Variants in MARCHF1 observed in about 807,000 individuals in gnomAD.
MARCHF1 encodes the protein E3 ubiquitin-protein ligase MARCHF1.
MARCHF1 carries 40 observed loss-of-function variants against 54.2 expected under a neutral mutation model. The observed-to-expected ratio is 0.74, with a 90% CI of 0.57 to 0.96. The LOEUF is 0.96. Among genes scored for constraint, MARCHF1 ranks in the 40% least tolerant of loss-of-function variants. The probability of loss-of-function intolerance (pLI) is 0.00; values close to 1 mark genes in which losing one functional copy is unlikely to be tolerated. For synonymous variants in MARCHF1, 236 were observed against 236.3 expected (o/e 1.00, Z 0.01); for missense variants, 586 against 656.5 (o/e 0.89, Z 1.17).
At chr4:163,924,344 A>C (rs951475300) in intron 3 of MARCHF1, among the ~76,000 whole-genome samples, 2 of 152,078 alleles carry the variant, frequency 1.3e-5, no homozygotes, top group Admixed American at 6.6e-5. Context: ...TTTACAAGTG[A>C]AGAAAAATCA....
intron 1 of MARCHF1, among the ~76,000 whole-genome samples, chr4:164,202,868 G>T (rs1393133591): frequency 6.6e-6 from 1 of 152,164 alleles, no homozygotes; most frequent in African/African-American, 2.4e-5. Context: ...ACAATATTTT[G>T]AGGTAGTCAA....
intron 5 of MARCHF1, among the ~76,000 whole-genome samples, chr4:163,668,805 T>C (rs1356205287): frequency 1.3e-5 from 2 of 152,142 alleles, no homozygotes; most frequent in Non-Finnish European, 2.9e-5. Context: ...CAAAATTCCC[T>C]TTCCTACCTA....
At chr4:164,271,166 A>G (rs970890027) in intron 1 of MARCHF1, among the ~76,000 whole-genome samples, 1 of 152,172 alleles carries the variant, frequency 6.6e-6, no homozygotes, top group Non-Finnish European at 1.5e-5. Flanking sequence ...ATGGCCCTCA[A>G]AGATGCCCAT....
intron 4 of MARCHF1, among the ~76,000 whole-genome samples, chr4:163,737,160 C>CTTTT (rs201243891): frequency 4.9e-5 from 2 of 41,016 alleles, no homozygotes; most frequent in Admixed American, 2.0e-4. Flanking sequence ...CAGCTTTTTT[C>CTTTT]TTTCTTTTTT....
At chr4:164,022,329 A>G (rs1002980129) in intron 2 of MARCHF1, among the ~76,000 whole-genome samples, 2 of 152,224 alleles carry the variant, frequency 1.3e-5, no homozygotes, top group African/African-American at 4.8e-5. Context: ...ACTGCTTCCA[A>G]TGAGACAGAC....
chr4:164,354,973 G>C (rs1472179662), intron 1 of MARCHF1, among the ~76,000 whole-genome samples: 6 of 133,124 alleles, frequency 4.5e-5, no homozygotes, highest in African/African-American at 1.4e-4. Flanking sequence ...ACCAACAACA[G>C]ACAAACAGAG....
At chr4:163,916,218 T>G (rs1268745220) in intron 3 of MARCHF1, among the ~76,000 whole-genome samples, 6 of 152,204 alleles carry the variant, frequency 3.9e-5, no homozygotes. Flanking sequence ...CAATCACCTT[T>G]GTGATATAAT....
chr4:164,185,952 G>A (rs1459775860), intron 1 of MARCHF1, among the ~76,000 whole-genome samples: 1 of 152,160 alleles, frequency 6.6e-6, no homozygotes, highest in African/African-American at 2.4e-5. Flanking sequence ...GGAGTGCAGT[G>A]GCGTGACCTC....
intron 4 of MARCHF1, among the ~76,000 whole-genome samples, chr4:163,729,725 T>C (rs1579235490): frequency 6.6e-6 from 1 of 152,128 alleles, no homozygotes; most frequent in Non-Finnish European, 1.5e-5. Flanking sequence ...CTGATATTAG[T>C]ACTTTTTGTC....
chr4:164,037,404 A>C (rs1754028272), intron 2 of MARCHF1, among the ~76,000 whole-genome samples: 1 of 152,242 alleles, frequency 6.6e-6, no homozygotes, highest in Non-Finnish European at 1.5e-5. Flanking sequence ...AATATATTAC[A>C]AAAATGAAAA....
intron 2 of MARCHF1, among the ~76,000 whole-genome samples, chr4:164,040,533 G>T (rs1005888537): frequency 6.7e-6 from 1 of 149,982 alleles, no homozygotes; most frequent in Non-Finnish European, 1.5e-5. Flanking sequence ...AAAAGATAAA[G>T]TTTTTTTTGA....
chr4:164,297,483 A>G (rs7686478), intron 1 of MARCHF1, among the ~76,000 whole-genome samples: 40,277 of 152,060 alleles, frequency 0.26, 5,765 homozygotes, highest in Admixed American at 0.39. Flanking sequence ...AATGGGAGAC[A>G]TGCTATGAAT....
chr4:164,259,630 G>GCAGA lies in MARCHF1; in HGVS notation c.-323+124236_-323+124239dup, dbSNP rs1362122205. Among the ~76,000 whole-genome samples the GCAGA allele has an allele frequency of 3.3e-5, 5 of 151,518 alleles. No individual in the cohort carries two copies. In the East Asian group the frequency reaches 9.7e-4, roughly 29 times the overall value. The stretch of plus-strand genomic sequence containing the variant: ...GAAGTATAGCCACAATAAATATTAG[G>GCAGA]CAGACAGCAGTTCAGCAGTTTATAC... On this transcript the variant is annotated intron_variant, in intron 1 of 9. Transcript: ENST00000514618.
chr4:163,965,816 C>G (rs1217700769), intron 3 of MARCHF1, among the ~76,000 whole-genome samples: 1 of 152,046 alleles, frequency 6.6e-6, no homozygotes, highest in Non-Finnish European at 1.5e-5. Flanking sequence ...GCTACTGAAT[C>G]TCATGAATGT....
chr4:164,253,143 C>A (rs1277965268), intron 1 of MARCHF1, among the ~76,000 whole-genome samples: 4 of 151,924 alleles, frequency 2.6e-5, no homozygotes, highest in South Asian at 2.1e-4. Flanking sequence ...TAGATTACCC[C>A]AAAATAAAGG....
intron 1 of MARCHF1, among the ~76,000 whole-genome samples, chr4:164,380,393 A>C (rs145007468): frequency 6.6e-6 from 1 of 152,340 alleles, no homozygotes; most frequent in East Asian, 1.9e-4. Context: ...CCCATGAGAA[A>C]GGCAAGGCAG....
chr4:164,142,247 G>C (rs1390554149), intron 1 of MARCHF1, among the ~76,000 whole-genome samples: 1 of 152,170 alleles, frequency 6.6e-6, no homozygotes, highest in African/African-American at 2.4e-5. Context: ...GCTTGGGGAG[G>C]GGCACCCGCT....
chr4:164,356,954 C>G (rs1730570612), intron 1 of MARCHF1, among the ~76,000 whole-genome samples: 1 of 151,586 alleles, frequency 6.6e-6, no homozygotes, highest in African/African-American at 2.4e-5. Flanking sequence ...GCCTACTTGT[C>G]TGGGCCCCAG....
intron 1 of MARCHF1, among the ~76,000 whole-genome samples, chr4:164,179,776 A>C (rs1730784907): frequency 6.6e-6 from 1 of 151,842 alleles, no homozygotes; most frequent in South Asian, 2.1e-4. Context: ...TTTTTTAAAA[A>C]AGAAAATTTT....
Sources: allele counts gnomAD v4.1 joint callset (sites outside exome capture counted in the v4.1 genomes callset), GRCh38; gene constraint gnomAD v4.1.1; transcripts MANE v1.5; gene names NCBI Gene and HGNC (gene_info 2026-07-23, HGNC 2026-07-21).